The following CNTNAP2 variants were observed in gnomAD, a reference collection of about 807,000 sequenced individuals.
The protein encoded by CNTNAP2 is contactin associated protein 2, also known as contactin-associated protein-like 2.
In CNTNAP2, 98 loss-of-function variants were observed where a neutral mutation model predicts 155.2. That is an observed-to-expected ratio of 0.63 (90% confidence interval 0.54 to 0.75). CNTNAP2 has a LOEUF of 0.75. CNTNAP2 is among the 30% of genes least tolerant of loss of function. The pLI, the probability that CNTNAP2 is intolerant of heterozygous loss-of-function variation, is 0.00. For synonymous variants in CNTNAP2, 651 were observed against 631.2 expected, an observed-to-expected ratio of 1.03 and a Z score of -0.47; for missense variants, 1,727 against 1,688.1, an observed-to-expected ratio of 1.02 and a Z score of -0.40.
At chr7:147,708,907 C>T (rs1796359355) in intron 13 of CNTNAP2, among the ~76,000 whole-genome samples, 1 of 152,158 alleles carries the variant, frequency 6.6e-6, no homozygotes, top group South Asian at 2.1e-4. Context: ...CACCTTGCAA[C>T]CCCTCTGCCA....
chr7:146,326,214 T>A (rs1196044397), intron 1 of CNTNAP2, among the ~76,000 whole-genome samples: 1 of 152,168 alleles, frequency 6.6e-6, no homozygotes, highest in Non-Finnish European at 1.5e-5. Flanking sequence ...ACATGCCTGA[T>A]AATGCAGAGG....
At chr7:146,450,191 C>T (rs1397208124) in intron 1 of CNTNAP2, among the ~76,000 whole-genome samples, 1 of 152,124 alleles carries the variant, frequency 6.6e-6, no homozygotes, top group East Asian at 1.9e-4. Context: ...GAACTTTGAG[C>T]TATCTTAAAG....
chr7:147,824,362 T>C (rs965805662), intron 13 of CNTNAP2, among the ~76,000 whole-genome samples: 3 of 152,118 alleles, frequency 2.0e-5, no homozygotes, highest in South Asian at 2.1e-4. Context: ...GATGACGAAG[T>C]CTTGAGAAGC....
At chr7:146,553,399 G>GTAAT (rs1435465730) in intron 1 of CNTNAP2, among the ~76,000 whole-genome samples, 5 of 151,752 alleles carry the variant, frequency 3.3e-5, no homozygotes, top group African/African-American at 1.2e-4. Context: ...GTTTCTATCG[G>GTAAT]TACCTTTATT....
chr7:147,287,896 G>A (rs929238618), intron 8 of CNTNAP2, among the ~76,000 whole-genome samples: 4 of 152,146 alleles, frequency 2.6e-5, no homozygotes, highest in African/African-American at 4.8e-5. Context: ...GCTAACCTCC[G>A]TCCAAACTTC....
chr7:146,741,361 G>A (rs1282755882), intron 1 of CNTNAP2, among the ~76,000 whole-genome samples: 1 of 152,250 alleles, frequency 6.6e-6, no homozygotes, highest in African/African-American at 2.4e-5. Flanking sequence ...ATTTTTGACT[G>A]CTCATCTGTT....
intron 1 of CNTNAP2, among the ~76,000 whole-genome samples, chr7:146,622,722 C>T (rs1360715121): frequency 3.3e-5 from 5 of 151,850 alleles, no homozygotes; most frequent in African/African-American, 7.3e-5. Context: ...TTTGGGAGGC[C>T]GAGGCAGGCG....
intron 8 of CNTNAP2, among the ~76,000 whole-genome samples, chr7:147,211,521 A>G (rs548182437): frequency 6.6e-6 from 1 of 152,070 alleles, no homozygotes; most frequent in African/African-American, 2.4e-5. Context: ...CACACCTCCA[A>G]TAATATGGTC....
intron 13 of CNTNAP2, among the ~76,000 whole-genome samples, chr7:147,880,506 C>A (rs1799501221): frequency 1.3e-5 from 2 of 151,778 alleles, no homozygotes; most frequent in African/African-American, 4.8e-5. Context: ...CCTGTGTCTA[C>A]TGAAGGCCTG....
chr7:147,912,115 C>T (rs1002926002), intron 14 of CNTNAP2, among the ~76,000 whole-genome samples: 4 of 152,180 alleles, frequency 2.6e-5, no homozygotes, highest in Admixed American at 6.5e-5. Context: ...GTTATAAAAG[C>T]TGTCAATGAC....
In CNTNAP2 at chr7:148,216,749, C is replaced by T. The variant is rs571063017; in HGVS notation, c.3011-539C>T. ...ATATGATATGGTTTGGCTCTGTCCC[C>T]ACCCTAATTTCAAATTGTAGTTCCC... On this transcript the variant is annotated intron_variant, in intron 18 of 23. Transcript: ENST00000361727. Among the ~76,000 whole-genome samples the T allele has an allele frequency of 2.0e-5, 3 of 152,234 alleles. No homozygotes were observed. The South Asian group carries it at 6.2e-4, about 32-fold the overall frequency.
At chr7:146,303,640 G>C (rs1800654460) in intron 1 of CNTNAP2, among the ~76,000 whole-genome samples, 1 of 152,044 alleles carries the variant, frequency 6.6e-6, no homozygotes, top group African/African-American at 2.4e-5. Context: ...GAGACAGTTT[G>C]TTATAATTTC....
chr7:148,058,395 C>T (rs1382098924), intron 15 of CNTNAP2, among the ~76,000 whole-genome samples: 1 of 152,188 alleles, frequency 6.6e-6, no homozygotes, highest in Non-Finnish European at 1.5e-5. Flanking sequence ...TGCAGCCTAC[C>T]TCCAGGGCCC....
chr7:147,710,430 C>T (rs191449031), intron 13 of CNTNAP2, among the ~76,000 whole-genome samples: 1 of 152,228 alleles, frequency 6.6e-6, no homozygotes, highest in African/African-American at 2.4e-5. Flanking sequence ...TTCATATATG[C>T]TATTTATCTT....
intron 15 of CNTNAP2, among the ~76,000 whole-genome samples, chr7:148,004,965 T>G (rs1414311753): frequency 6.6e-6 from 1 of 152,210 alleles, no homozygotes; most frequent in Non-Finnish European, 1.5e-5. Context: ...TGAATTCTAC[T>G]CTCATCCTGA....
intron 1 of CNTNAP2, among the ~76,000 whole-genome samples, chr7:146,372,653 A>C (rs1384164555): frequency 1.3e-5 from 2 of 152,202 alleles, no homozygotes; most frequent in Non-Finnish European, 2.9e-5. Flanking sequence ...CTCTATTGTT[A>C]ATAAACCTAG....
intron 12 of CNTNAP2, among the ~76,000 whole-genome samples, chr7:147,610,376 G>A (rs1192202528): frequency 1.3e-5 from 2 of 152,024 alleles, no homozygotes; most frequent in South Asian, 2.1e-4. Context: ...GATTACTGGG[G>A]CAAAGATTTC....
At chr7:146,839,980 A>G in intron 3 of CNTNAP2, 76 bp downstream of exon 3, 1 of 1,459,378 alleles carries the variant, frequency 6.9e-7, no homozygotes, top group Non-Finnish European at 9.5e-7. Flanking sequence ...TTTACTAAGC[A>G]TATATAGTTA....
At chr7:147,073,323 A>G (rs1051291946) in intron 4 of CNTNAP2, among the ~76,000 whole-genome samples, 1 of 151,920 alleles carries the variant, frequency 6.6e-6, no homozygotes, top group African/African-American at 2.4e-5. Flanking sequence ...AAAAAAAAAA[A>G]AAAAACCACA....
Sources: gnomAD v4.1 joint callset for allele counts (sites outside exome capture counted in the v4.1 genomes callset) on GRCh38, gnomAD v4.1.1 for gene constraint, MANE v1.5 for transcripts, NCBI Gene and HGNC (gene_info 2026-07-23, HGNC 2026-07-21) for gene names.